The following SAMD13 variants were observed in gnomAD, a reference collection of about 807,000 sequenced individuals.
SAMD13 encodes the protein sterile alpha motif domain-containing protein 13.
A neutral mutation model predicts 12.4 loss-of-function variants in SAMD13; 9 were observed. The observed-to-expected ratio is 0.72, with a 90% CI of 0.44 to 1.26. SAMD13 has a LOEUF of 1.26. SAMD13 is among the 50% of genes most tolerant of loss of function. The probability of loss-of-function intolerance (pLI) is 0.00; values close to 1 mark genes in which losing one functional copy is unlikely to be tolerated. For missense variants in SAMD13, 84 were observed against 119.6 expected, an observed-to-expected ratio of 0.70 and a Z score of 1.39; for synonymous variants, 46 against 45.4, an observed-to-expected ratio of 1.01 and a Z score of -0.05.
At chr1:84,330,157 T>A (rs1679148139) in intron 3 of SAMD13, among the ~76,000 whole-genome samples, 1 of 152,140 alleles carries the variant, frequency 6.6e-6, no homozygotes. Flanking sequence ...TTTCTCATGG[T>A]TAGTGGATGG....
chr1:84,348,943 G>T (rs1025162765), intron 3 of SAMD13, among the ~76,000 whole-genome samples: 1 of 152,142 alleles, frequency 6.6e-6, no homozygotes, highest in Admixed American at 6.5e-5. Context: ...CCTTTAAAGG[G>T]CAGGAAAGTC....
intron 2 of SAMD13, among the ~76,000 whole-genome samples, chr1:84,316,532 T>A (rs1388839556): frequency 6.6e-6 from 1 of 152,168 alleles, no homozygotes; most frequent in African/African-American, 2.4e-5. Context: ...TGACCACATA[T>A]CCATGGATGT....
chr1:84,341,247 G>A (rs1388500616), intron 3 of SAMD13, among the ~76,000 whole-genome samples: 1 of 152,160 alleles, frequency 6.6e-6, no homozygotes, highest in Non-Finnish European at 1.5e-5. Context: ...CATTAAGGGA[G>A]TTCCTTACAG....
At chr1:84,317,193 T>G (rs887803529) in intron 2 of SAMD13, among the ~76,000 whole-genome samples, 1 of 152,110 alleles carries the variant, frequency 6.6e-6, no homozygotes, top group African/African-American at 2.4e-5. Flanking sequence ...GGAGGCTATT[T>G]ATTTCTTTGT....
intron 3 of SAMD13, among the ~76,000 whole-genome samples, chr1:84,335,663 G>GT (rs1165262668): frequency 3.3e-5 from 5 of 152,180 alleles, no homozygotes; most frequent in Admixed American, 1.3e-4. Context: ...ACTTAAGTGT[G>GT]TTTTTGTGGC....
At chr1:84,322,927 G>A (rs1678977462) in intron 2 of SAMD13, among the ~76,000 whole-genome samples, 1 of 152,096 alleles carries the variant, frequency 6.6e-6, no homozygotes, top group Non-Finnish European at 1.5e-5. Flanking sequence ...AAATTACAAT[G>A]TAGCTTATTT....
chr1:84,303,557 G>T, intron 2 of SAMD13: 1 of 286,814 alleles, frequency 3.5e-6, no homozygotes. Flanking sequence ...TTTCAGCCCT[G>T]CATTCTGTAT....
intron 2 of SAMD13, 121 bp from the exon 3 acceptor site, chr1:84,325,516 G>C: frequency 1.5e-6 from 1 of 658,594 alleles, no homozygotes; most frequent in Admixed American, 2.6e-5. Context: ...AAGCCAGTGA[G>C]AGTAATCATC....
At chr1:84,345,959 C>T (rs1305087348) in intron 3 of SAMD13, among the ~76,000 whole-genome samples, 2 of 152,174 alleles carry the variant, frequency 1.3e-5, no homozygotes, top group Non-Finnish European at 2.9e-5. Flanking sequence ...CCACCTCAGC[C>T]TCTCAAGTAG....
upstream of SAMD13, chr1:84,299,470 C>A: frequency 6.9e-6 from 3 of 432,258 alleles, no homozygotes; most frequent in Non-Finnish European, 7.5e-6. Context: ...TTGGTTGCCT[C>A]TCCCCCTCAC....
intron 3 of SAMD13, chr1:84,345,082 C>T (rs1037363878): frequency 1.5e-5 from 7 of 456,510 alleles, no homozygotes; most frequent in Non-Finnish European, 2.6e-5. Context: ...TCTCTGGGCT[C>T]CAGAGCAAGT....
chr1:84,335,236 T>C (rs1476554220), intron 3 of SAMD13, among the ~76,000 whole-genome samples: 3 of 152,328 alleles, frequency 2.0e-5, no homozygotes, highest in Non-Finnish European at 4.4e-5. Flanking sequence ...CTGTTTTGGG[T>C]GCATATATAC....
intron 3 of SAMD13, among the ~76,000 whole-genome samples, chr1:84,329,447 T>C (rs984704616): frequency 6.6e-6 from 1 of 152,164 alleles, no homozygotes; most frequent in Admixed American, 6.5e-5. Flanking sequence ...TAGCACAGTA[T>C]TGGAAACTGT....
At chr1:84,331,706 GA>G (rs1217165704) in intron 3 of SAMD13, among the ~76,000 whole-genome samples, 1 of 152,066 alleles carries the variant, frequency 6.6e-6, no homozygotes, top group Non-Finnish European at 1.5e-5. Flanking sequence ...CAAGAAAATT[GA>G]AAACTGATAA....
upstream of SAMD13, among the ~76,000 whole-genome samples, chr1:84,301,405 A>G (rs1678452992): frequency 6.6e-6 from 1 of 152,254 alleles, no homozygotes; most frequent in Admixed American, 6.5e-5. Flanking sequence ...ACAACAGCTA[A>G]GACCTATCAT....
chr1:84,309,684 GTCT>G (rs1678665805), intron 2 of SAMD13, among the ~76,000 whole-genome samples: 1 of 152,092 alleles, frequency 6.6e-6, no homozygotes, highest in East Asian at 1.9e-4. Context: ...TATATTCAGA[GTCT>G]TCAATAGTAA....
At position 84,333,515 on chromosome 1, in the gene SAMD13, G is replaced by A. The variant is rs1679234804; in HGVS notation, c.165+7767G>A. On this transcript the variant is annotated intron_variant, in intron 3 of 3. Transcript: ENST00000394834. ...TCCTGATTTGGCTGTCAGCTTAGGT[G>A]CTATCAGTGTATGGGTGTTGTTAGG... Among the ~76,000 whole-genome samples the A allele has an allele frequency of 2.0e-5, 3 of 151,940 alleles. No homozygotes were observed. The South Asian group carries it at 6.2e-4, about 32-fold the overall frequency.
intron 3 of SAMD13, among the ~76,000 whole-genome samples, chr1:84,336,390 C>T (rs1022557658): frequency 1.3e-5 from 2 of 152,130 alleles, no homozygotes; most frequent in East Asian, 3.8e-4. Context: ...ACTTACAGTC[C>T]CACATGGCTG....
intron 2 of SAMD13, among the ~76,000 whole-genome samples, chr1:84,312,987 A>G (rs892921541): frequency 6.6e-6 from 1 of 152,108 alleles, no homozygotes; most frequent in East Asian, 1.9e-4. Context: ...ATAGATAGAC[A>G]TGATTATTAT....
Sources: gnomAD v4.1 joint callset for allele counts (sites outside exome capture counted in the v4.1 genomes callset) on GRCh38, gnomAD v4.1.1 for gene constraint, MANE v1.5 for transcripts, NCBI Gene and HGNC (gene_info 2026-07-23, HGNC 2026-07-21) for gene names.